The following FAM174B variants were observed in gnomAD, a reference collection of about 807,000 sequenced individuals.
FAM174B encodes family with sequence similarity 174 member B.
FAM174B carries 12 observed loss-of-function variants against 10.9 expected under a neutral mutation model. The ratio of observed to expected loss-of-function variants is 1.10; its 90% CI spans 0.71 to 1.79. FAM174B has a LOEUF of 1.79. Among genes scored for constraint, FAM174B ranks in the 40% most tolerant of loss-of-function variants. The pLI is 0.00. For missense variants in FAM174B, 266 were observed against 233.3 expected, an observed-to-expected ratio of 1.14 and a Z score of -0.91; for synonymous variants, 132 against 115.8, an observed-to-expected ratio of 1.14 and a Z score of -0.90.
intron 1 of FAM174B, among the ~76,000 whole-genome samples, chr15:92,641,568 A>T (rs2050892190): frequency 6.6e-6 from 1 of 152,212 alleles, no homozygotes; most frequent in Non-Finnish European, 1.5e-5. Flanking sequence ...TATGTGTAAG[A>T]GATAGAAAAG....
intron 2 of FAM174B, among the ~76,000 whole-genome samples, chr15:92,626,739 C>A (rs1054731291): frequency 6.6e-6 from 1 of 152,114 alleles, no homozygotes; most frequent in Non-Finnish European, 1.5e-5. Context: ...AGGGAGCTAA[C>A]ACTATTCCTG....
intron 1 of FAM174B, among the ~76,000 whole-genome samples, chr15:92,635,218 T>C (rs1016044438): frequency 6.6e-6 from 1 of 151,170 alleles, no homozygotes; most frequent in African/African-American, 2.4e-5. Flanking sequence ...TCTGTTTCCC[T>C]GAAGAATCCA....
chr15:92,649,906 T>G (rs1455505183), intron 1 of FAM174B, among the ~76,000 whole-genome samples: 1 of 152,198 alleles, frequency 6.6e-6, no homozygotes, highest in Non-Finnish European at 1.5e-5. Context: ...AGATGAACAT[T>G]TGTCACTTCT....
chr15:92,629,209 T>C (rs988630534), intron 2 of FAM174B, among the ~76,000 whole-genome samples: 1 of 152,186 alleles, frequency 6.6e-6, no homozygotes, highest in African/African-American at 2.4e-5. Context: ...TTACTACTAA[T>C]TGGGACTTTG....
In FAM174B at chr15:92,618,860, G is replaced by T; in HGVS notation, c.*596C>A. ...TTTTTTAAAAAAAAAAAAAAAGGAA[G>T]AAAGAAAAGGAGCCACAGACGTGTC... is the stretch of plus-strand genomic sequence containing the variant. On this transcript the variant is annotated 3_prime_UTR_variant, in exon 3 of 3. Coordinates refer to ENST00000327355, the MANE Select transcript of FAM174B (RefSeq NM_207446.3). 6 of 181,162 alleles carry T rather than the reference G, an allele frequency of 3.3e-5. No individual in the cohort carries two copies. The highest frequency in any genetic ancestry group is 1.2e-4 in the East Asian group (1 of 8,112). 11.2% of individuals were successfully genotyped at this position (181,162 alleles called of 1,614,324 possible). A position where few individuals can be genotyped will look rare whatever the true frequency, so the allele number is the denominator to read the frequency against.
intron 1 of FAM174B, among the ~76,000 whole-genome samples, chr15:92,634,079 T>C (rs1397536593): frequency 6.6e-6 from 1 of 152,178 alleles, no homozygotes; most frequent in Non-Finnish European, 1.5e-5. Flanking sequence ...GAGCTTGGCT[T>C]CTGCAAAGGG....
chr15:92,637,085 C>T (rs1173772218), intron 1 of FAM174B, among the ~76,000 whole-genome samples: 1 of 152,208 alleles, frequency 6.6e-6, no homozygotes, highest in Non-Finnish European at 1.5e-5. Context: ...CTGGCCACAC[C>T]CCCAGTTCCA....
Position 92,651,792 on chromosome 15 carries a change from T to C in FAM174B, c.344+3524A>G, listed in dbSNP as rs530502159. On this transcript the variant is annotated intron_variant, in intron 1 of 2. Coordinates refer to ENST00000327355, the MANE Select transcript of FAM174B (RefSeq NM_207446.3). ...ATTCACATTAGAAGCAAAGAATATA[T>C]AGTGCAGTGGAAAATGTACATACTT... Among the ~76,000 whole-genome samples the C allele has an allele frequency of 8.5e-5, 13 of 152,384 alleles. No individual in the cohort carries two copies. In the South Asian group the frequency reaches 2.3e-3, roughly 27 times the overall value.
In FAM174B at chr15:92,655,455, TGG is replaced by T. The variant is rs1307298582; in HGVS notation, c.203_204del (p.Ser68Ter). The T allele has an allele frequency of 1.6e-5, 22 of 1,401,828 alleles. No homozygotes were observed. The highest frequency in any genetic ancestry group is 6.3e-5 in the South Asian group (5 of 79,076). 86.8% of individuals were successfully genotyped at this position (1,401,828 alleles called of 1,614,324 possible). A position where few individuals can be genotyped will look rare whatever the true frequency, so the allele number is the denominator to read the frequency against. ...GSGAAGGSGS[S>X]SSNSSGDALV... Reference sequence around the variant, plus strand: ...AAGGCGTCGCCACTGCTGTTGGAGCTGGAGCTGCCGCTGCCGCCCGCCGCCCC... The same window carrying T: ...AAGGCGTCGCCACTGCTGTTGGAGCTAGCTGCCGCTGCCGCCCGCCGCCCC... On this transcript the variant is annotated frameshift_variant, in exon 1 of 3. Coordinates refer to ENST00000327355, the MANE Select transcript of FAM174B (RefSeq NM_207446.3). LOFTEE classifies it high-confidence loss of function.
Position 92,655,332 on chromosome 15 carries a change from G to C in FAM174B, c.328C>G (p.Leu110Val), listed in dbSNP as rs77720151. ...AGGGCCCACCTGAAGACGCGCAGCAGCAGGCAGGCGATGAGGAGGGTGGTA... is the reference window on the plus strand; with the variant it reads ...AGGGCCCACCTGAAGACGCGCAGCACCAGGCAGGCGATGAGGAGGGTGGTA... ...AFTTLLIACL[L>V]LRVFRSGKRL... The change falls in exon 1 of 3, where the codon CTG becomes GTG. Residue 110 changes from leucine (L) to valine (V), a missense_variant. Coordinates refer to ENST00000327355, the MANE Select transcript of FAM174B (RefSeq NM_207446.3). The C allele has an allele frequency of 4.6e-4, 725 of 1,568,708 alleles. 2 individuals carry two copies. In the African/African-American group the frequency reaches 9.3e-3, roughly 20 times the overall value.
intron 1 of FAM174B, among the ~76,000 whole-genome samples, chr15:92,635,106 C>G (rs933243425): frequency 9.0e-5 from 10 of 111,338 alleles, no homozygotes; most frequent in African/African-American, 2.7e-4. Context: ...GCCTCTCTCT[C>G]TCTCTCTTTC....
At position 92,655,625 on chromosome 15, in the gene FAM174B, G is replaced by T. The variant is rs755526805; in HGVS notation, c.35C>A (p.Pro12Gln). Reference sequence around the variant, plus strand: ...GGCCAGGAGCGCGAGCAGCAGCAGCGGCAGGAGCGGGGCGGGCAGCGGCAC... The same window carrying T: ...GGCCAGGAGCGCGAGCAGCAGCAGCTGCAGGAGCGGGGCGGGCAGCGGCAC... The part of the protein sequence containing the change: ...RAVPLPAPLL[P>Q]LLLLALLAAP... The change falls in exon 1 of 3, where the codon CCG becomes CAG. Residue 12 changes from proline (P) to glutamine (Q), a missense_variant. Transcript: ENST00000327355. The T allele has an allele frequency of 2.4e-6, 3 of 1,261,434 alleles. No individual in the cohort carries two copies. The highest frequency in any genetic ancestry group is 6.6e-5 in the South Asian group (2 of 30,426). 78.1% of individuals were successfully genotyped at this position (1,261,434 alleles called of 1,614,324 possible).
chr15:92,642,199 C>A (rs190526732), intron 1 of FAM174B, among the ~76,000 whole-genome samples: 1 of 152,290 alleles, frequency 6.6e-6, no homozygotes, highest in East Asian at 1.9e-4. Flanking sequence ...TCATAACCCT[C>A]ATACACTTCT....
chr15:92,650,732 C>A (rs917441671), intron 1 of FAM174B, among the ~76,000 whole-genome samples: 4 of 152,120 alleles, frequency 2.6e-5, no homozygotes, highest in African/African-American at 9.7e-5. Flanking sequence ...TGCAACATCA[C>A]CAGTTGTTTC....
chr15:92,650,311 G>C (rs1016170917), intron 1 of FAM174B, among the ~76,000 whole-genome samples: 12 of 152,224 alleles, frequency 7.9e-5, no homozygotes, highest in African/African-American at 2.9e-4. Context: ...GGGCATAGCA[G>C]TGTGCACCTT....
chr15:92,653,295 C>A (rs554518424), intron 1 of FAM174B: 1 of 152,416 alleles, frequency 6.6e-6, no homozygotes, highest in African/African-American at 2.4e-5. Flanking sequence ...ATGAGTCTCG[C>A]ACCCCTCACA....
rs200147572 is a variant in FAM174B, at chr15:92,655,408, G to A, written c.252C>T (p.Leu84=). 6.6e-5 allele frequency: 105 copies of A among 1,601,052 alleles called. No individual in the cohort carries two copies. The highest frequency in any genetic ancestry group is 8.7e-5 in the Non-Finnish European group (102 of 1,174,930). The part of the protein sequence containing the change: ...GDALVTRISI[L]LRDLPTLKAA... ...CCTTGAGGGTGGGTAGGTCGCGGAG[G>A]AGGATGGAAATGCGGGTCACCAAGG... The change falls in exon 1 of 3, where the codon CTC becomes CTT. Residue 84 remains leucine, a synonymous_variant. Coordinates refer to ENST00000327355, the MANE Select transcript of FAM174B (RefSeq NM_207446.3).
intron 1 of FAM174B, among the ~76,000 whole-genome samples, chr15:92,640,852 C>T (rs1388430482): frequency 1.3e-5 from 2 of 151,898 alleles, no homozygotes; most frequent in African/African-American, 4.8e-5. Context: ...ACCATGTTGG[C>T]TAGGCTGGTT....
intron 1 of FAM174B, among the ~76,000 whole-genome samples, chr15:92,651,426 T>C (rs2050965741): frequency 1.3e-5 from 2 of 152,166 alleles, no homozygotes; most frequent in South Asian, 2.1e-4. Context: ...ATTCAAACTA[T>C]GCAGAAACAT....
Sources: gnomAD v4.1 joint callset for allele counts (sites outside exome capture counted in the v4.1 genomes callset) on GRCh38, gnomAD v4.1.1 for gene constraint, MANE v1.5 for transcripts, NCBI Gene and HGNC (gene_info 2026-07-23, HGNC 2026-07-21) for gene names.